Variants in MAP2 observed in about 807,000 individuals in gnomAD.
The protein encoded by MAP2 is microtubule-associated protein 2.
Under a neutral mutation model 137.6 loss-of-function variants are expected in MAP2, and 14 were observed. The observed-to-expected ratio is 0.10, with a 90% CI of 0.07 to 0.16. MAP2 has a LOEUF of 0.16. Among genes scored for constraint, MAP2 ranks in the 10% least tolerant of loss-of-function variants. The pLI is 1.00. For missense variants in MAP2, 2,088 were observed against 2,191.5 expected (o/e 0.95, Z 0.94); for synonymous variants, 786 against 782.3 (o/e 1.00, Z -0.08).
intron 3 of MAP2, among the ~76,000 whole-genome samples, chr2:209,608,143 C>T (rs993752677): frequency 6.6e-6 from 1 of 152,160 alleles, no homozygotes; most frequent in Admixed American, 6.5e-5. Flanking sequence ...ACTCTTGACT[C>T]TACTGTGCAC....
In MAP2 at chr2:209,499,611, T is replaced by A. The variant is rs188925221; in HGVS notation, c.-221-7981T>A. Among the ~76,000 whole-genome samples, 687 of 152,166 alleles carry A rather than the reference T, an allele frequency of 4.5e-3. 4 individuals carry two copies. The highest frequency in any genetic ancestry group is 0.014 in the Middle Eastern group (4 of 294). ...AAGACTGGGTAATTTATTAAAAAAA[T>A]AAGTTTAATAGGCTCATGGTTCTGC... is the stretch of plus-strand genomic sequence containing the variant. On this transcript the variant is annotated intron_variant, in intron 1 of 15. Transcript: ENST00000682079.
Position 209,730,244 on chromosome 2 carries a change from G to A in MAP2, c.5331G>A (p.Glu1777=), listed in dbSNP as rs1417257462. ...HAKARVDHGA[E]IITQSPGRSS... ...AAGCCCGTGTGGACCATGGGGCTGA[G>A]ATCATTACACAGTCCCCAGGCAGAT... is the stretch of plus-strand genomic sequence containing the variant. Residue 1777 remains glutamate (E), a synonymous_variant, in exon 16 of 16, where the codon GAG becomes GAA. Transcript: ENST00000682079. The A allele has an allele frequency of 7.4e-6, 12 of 1,613,978 alleles. No homozygotes were observed. The highest frequency in any genetic ancestry group is 1.0e-5 in the Non-Finnish European group (12 of 1,180,028).
At chr2:209,578,008 T>TA (rs973007841) in intron 2 of MAP2, among the ~76,000 whole-genome samples, 12 of 152,278 alleles carry the variant, frequency 7.9e-5, no homozygotes, top group African/African-American at 2.6e-4. Flanking sequence ...CAAGAAGGTT[T>TA]AAAAAATCAA....
intron 1 of MAP2, among the ~76,000 whole-genome samples, chr2:209,442,810 G>A (rs572859922): frequency 6.6e-6 from 1 of 151,552 alleles, no homozygotes; most frequent in South Asian, 2.1e-4. Flanking sequence ...CCCCATTTTA[G>A]GTCATGGAAC....
At chr2:209,430,054 G>T (rs1167306894) in intron 1 of MAP2, among the ~76,000 whole-genome samples, 1 of 151,550 alleles carries the variant, frequency 6.6e-6, no homozygotes, top group Admixed American at 6.6e-5. Context: ...GTAATAGGCT[G>T]CCTATTTTTT....
At chr2:209,483,896 A>C (rs1415861715) in intron 1 of MAP2, among the ~76,000 whole-genome samples, 27 of 152,128 alleles carry the variant, frequency 1.8e-4, no homozygotes, top group Admixed American at 1.1e-3. Context: ...AGCTGGGAGA[A>C]ATTTTCTTAG....
chr2:209,476,851 C>G (rs143740044), intron 1 of MAP2, among the ~76,000 whole-genome samples: 1 of 152,082 alleles, frequency 6.6e-6, no homozygotes, highest in Admixed American at 6.5e-5. Context: ...GAAAAGTGAG[C>G]TCTTTGGAAA....
intron 2 of MAP2, among the ~76,000 whole-genome samples, chr2:209,573,537 A>G (rs288075): frequency 0.11 from 16,668 of 151,726 alleles, 2,440 homozygotes; most frequent in African/African-American, 0.33. Context: ...CAGGTGATCC[A>G]CCCACCTCAG....
chr2:209,564,246 G>A (rs1326437439), intron 2 of MAP2, among the ~76,000 whole-genome samples: 3 of 152,154 alleles, frequency 2.0e-5, no homozygotes, highest in African/African-American at 7.2e-5. Flanking sequence ...AATTCAGTAT[G>A]CTTTGTTCTC....
At chr2:209,569,776 G>A (rs1384219527) in intron 2 of MAP2, among the ~76,000 whole-genome samples, 1 of 151,850 alleles carries the variant, frequency 6.6e-6, no homozygotes, top group Non-Finnish European at 1.5e-5. Flanking sequence ...TCACCATGAT[G>A]TTTGATGATT....
chr2:209,527,111 A>C (rs1464265278), intron 2 of MAP2, among the ~76,000 whole-genome samples: 1 of 152,144 alleles, frequency 6.6e-6, no homozygotes, highest in Admixed American at 6.5e-5. Context: ...GCAAAGTTAC[A>C]CATTAGAATT....
At chr2:209,683,946 T>C (rs1006782007) in intron 7 of MAP2, among the ~76,000 whole-genome samples, 12 of 152,090 alleles carry the variant, frequency 7.9e-5, no homozygotes, top group African/African-American at 2.9e-4. Context: ...TTAATTACTA[T>C]AATTTATGAA....
chr2:209,460,407 C>T (rs1480931366), intron 1 of MAP2, among the ~76,000 whole-genome samples: 1 of 152,154 alleles, frequency 6.6e-6, no homozygotes. Context: ...AAGGTAGACA[C>T]TGGCCCTAGA....
chr2:209,626,591 C>G (rs745390543), intron 4 of MAP2, among the ~76,000 whole-genome samples: 91 of 152,296 alleles, frequency 6.0e-4, no homozygotes, highest in Admixed American at 2.0e-4. Context: ...CCCTAAAGAT[C>G]ATATAACCTT....
chr2:209,569,394 C>T (rs1244432846), intron 2 of MAP2, among the ~76,000 whole-genome samples: 1 of 151,740 alleles, frequency 6.6e-6, no homozygotes, highest in African/African-American at 2.4e-5. Flanking sequence ...AGACCTAGTT[C>T]TAGGTATTTG....
At chr2:209,590,298 C>T (rs183041305) in intron 3 of MAP2, among the ~76,000 whole-genome samples, 5 of 152,200 alleles carry the variant, frequency 3.3e-5, no homozygotes, top group South Asian at 2.1e-4. Context: ...CTAATAAATA[C>T]GGTAGCCACT....
At chr2:209,460,906 A>G (rs1261169504) in intron 1 of MAP2, among the ~76,000 whole-genome samples, 1 of 151,594 alleles carries the variant, frequency 6.6e-6, no homozygotes, top group African/African-American at 2.4e-5. Context: ...GCACCACCAC[A>G]CCCAGCTAAT....
At chr2:209,620,219 A>G (rs2153517914) in intron 3 of MAP2, among the ~76,000 whole-genome samples, 1 of 152,246 alleles carries the variant, frequency 6.6e-6, no homozygotes, top group East Asian at 1.9e-4. Flanking sequence ...ACTGCCTTGA[A>G]TTATGTTGAG....
chr2:209,710,389 G>T lies in MAP2; in HGVS notation c.5073+135G>T, dbSNP rs1177882408. 3 of 753,884 alleles carry T rather than the reference G, an allele frequency of 4.0e-6. No individual in the cohort carries two copies. The Admixed American group carries it at 8.6e-5, about 22-fold the overall frequency. The allele number at this position is 753,884 out of a possible 1,614,324, so 46.7% of individuals were successfully genotyped here. On this transcript the variant is annotated intron_variant, in intron 13 of 15. Coordinates refer to ENST00000682079, the MANE Select transcript of MAP2 (RefSeq NM_001375505.1). The stretch of plus-strand genomic sequence containing the variant: ...GGTTACAATTTATTGCTAAGAGTTT[G>T]GACTTTACATTAGGAAGATAGCCTC...
Sources: allele counts gnomAD v4.1 joint callset (sites outside exome capture counted in the v4.1 genomes callset), GRCh38; gene constraint gnomAD v4.1.1; transcripts MANE v1.5; gene names NCBI Gene and HGNC (gene_info 2026-07-23, HGNC 2026-07-21).